The following JAK2 variants were observed in gnomAD, a reference collection of about 807,000 sequenced individuals.
JAK2 encodes the protein Janus kinase 2.
JAK2 carries 86 observed loss-of-function variants against 139.3 expected under a neutral mutation model. The observed-to-expected ratio is 0.62, with a 90% CI of 0.52 to 0.74. The LOEUF is 0.74. Ranked by LOEUF, JAK2 falls within the 30% of genes least tolerant of loss-of-function variation. The probability of loss-of-function intolerance (pLI) is 0.00; values close to 1 mark genes in which losing one functional copy is unlikely to be tolerated. For missense variants in JAK2, 1,421 were observed against 1,360.3 expected, an observed-to-expected ratio of 1.04 and a Z score of -0.70; for synonymous variants, 490 against 437.7, an observed-to-expected ratio of 1.12 and a Z score of -1.49.
chr9:5,071,605 T>TA (rs1235982726), intron 12 of JAK2, among the ~76,000 whole-genome samples: 1 of 152,128 alleles, frequency 6.6e-6, no homozygotes, highest in Admixed American at 6.5e-5. Context: ...CTGAAGAAAT[T>TA]AAGAATGCAG....
chr9:5,047,335 C>T (rs548623870), intron 5 of JAK2, among the ~76,000 whole-genome samples: 1 of 152,074 alleles, frequency 6.6e-6, no homozygotes, highest in Non-Finnish European at 1.5e-5. Flanking sequence ...TAAGACAGTA[C>T]CTGTAGGAAG....
chr9:5,112,292 C>T (rs768283621), intron 22 of JAK2: 19 of 262,430 alleles, frequency 7.2e-5, no homozygotes, highest in Non-Finnish European at 1.3e-4. Context: ...CATGCACATC[C>T]ATGTTGCCCT....
At position 5,055,751 on chromosome 9, in the gene JAK2, G is replaced by A. The variant is rs776830350; in HGVS notation, c.1019G>A (p.Arg340Gln). The A allele has an allele frequency of 4.0e-5, 64 of 1,610,484 alleles. No homozygotes were observed. The highest frequency in any genetic ancestry group is 5.2e-5 in the Non-Finnish European group (61 of 1,177,584). Residue 340 changes from arginine to glutamine, a missense_variant, in exon 8 of 25, where the codon CGA (arginine) becomes CAA (glutamine). Arg to Gln is a conservative substitution (Grantham distance 43). Coordinates refer to ENST00000381652, the MANE Select transcript of JAK2 (RefSeq NM_004972.4). The stretch of plus-strand genomic sequence containing the variant: ...AACCAAGAGGGTTCAAATGAAAGCC[G>A]AGTTGTAACTATCCATAAGCAAGAT... ...QANQEGSNES[R>Q]VVTIHKQDGK...
At chr9:5,006,821 C>G (rs1821337345) in intron 2 of JAK2, among the ~76,000 whole-genome samples, 1 of 152,112 alleles carries the variant, frequency 6.6e-6, no homozygotes, top group African/African-American at 2.4e-5. Context: ...CAGAACCAAA[C>G]CATATCAATT....
At chr9:5,088,463 T>G (rs1440524728) in intron 19 of JAK2, among the ~76,000 whole-genome samples, 1 of 152,238 alleles carries the variant, frequency 6.6e-6, no homozygotes, top group Non-Finnish European at 1.5e-5. Flanking sequence ...ATACTTTATT[T>G]AAATGTTATA....
rs143984365 is a variant in JAK2, at chr9:5,003,441, C to T, written c.-26+17419C>T. Among the ~76,000 whole-genome samples, 1,248 of 151,950 alleles carry T rather than the reference C, an allele frequency of 8.2e-3. 14 individuals carry two copies. The highest frequency in any genetic ancestry group is 0.029 in the African/African-American group (1,191 of 41,504). On this transcript the variant is annotated intron_variant, in intron 2 of 24. Transcript: ENST00000381652. Reference sequence around the variant, plus strand: ...ATTGCACAGTTTTTACAGATATTTCCATAGATGTATTCCTAGGTATTTGAT... The same window carrying T: ...ATTGCACAGTTTTTACAGATATTTCTATAGATGTATTCCTAGGTATTTGAT...
At chr9:5,073,288 C>T (rs547544883) in intron 13 of JAK2, among the ~76,000 whole-genome samples, 4 of 152,270 alleles carry the variant, frequency 2.6e-5, no homozygotes, top group African/African-American at 7.2e-5. Flanking sequence ...ACACAGATGT[C>T]GTGATATTTT....
At chr9:5,068,052 C>T (rs1260753657) in intron 10 of JAK2, among the ~76,000 whole-genome samples, 5 of 151,552 alleles carry the variant, frequency 3.3e-5, no homozygotes, top group Admixed American at 6.6e-5. Context: ...CCCAGCTACT[C>T]GGGAGGCTGA....
intron 2 of JAK2, among the ~76,000 whole-genome samples, chr9:5,005,779 G>T (rs773381736): frequency 6.6e-6 from 1 of 152,120 alleles, no homozygotes; most frequent in South Asian, 2.1e-4. Context: ...CAAAGTCACT[G>T]GGCATTACAT....
At chr9:5,102,802 T>A (rs1821614204) in intron 22 of JAK2, among the ~76,000 whole-genome samples, 1 of 152,148 alleles carries the variant, frequency 6.6e-6, no homozygotes, top group South Asian at 2.1e-4. Flanking sequence ...CTAAGCTTCA[T>A]AAGTGAAGGA....
intron 19 of JAK2, among the ~76,000 whole-genome samples, chr9:5,088,722 G>C (rs538064678): frequency 1.2e-3 from 180 of 152,322 alleles, no homozygotes; most frequent in African/African-American, 4.1e-3. Flanking sequence ...TTCTAGTGAG[G>C]TTTCTTCTTG....
chr9:4,996,928 C>CTTTTTTTTTTTTTTTTTTT (rs1166992356), intron 2 of JAK2, among the ~76,000 whole-genome samples: 1 of 94,708 alleles, frequency 1.1e-5, no homozygotes, highest in East Asian at 3.3e-4. Flanking sequence ...TTAGTTTGTT[C>CTTTTTTTTTTTTTTTTTTT]TTTTTTTTTT....
chr9:5,032,806 C>G (rs1176616134), intron 4 of JAK2, among the ~76,000 whole-genome samples: 1 of 152,140 alleles, frequency 6.6e-6, no homozygotes, highest in East Asian at 1.9e-4. Flanking sequence ...AAAAACAGAG[C>G]AGAAAAACTG....
chr9:5,015,368 A>G (rs1391426429), intron 2 of JAK2, among the ~76,000 whole-genome samples: 3 of 152,236 alleles, frequency 2.0e-5, no homozygotes, highest in Non-Finnish European at 2.9e-5. Flanking sequence ...TAATGAAATT[A>G]AAATGATTTT....
intron 4 of JAK2, among the ~76,000 whole-genome samples, chr9:5,030,397 G>A (rs981460417): frequency 5.3e-5 from 8 of 152,002 alleles, no homozygotes; most frequent in Non-Finnish European, 8.8e-5. Context: ...GAGAAATCTA[G>A]AAGTATTTTT....
At chr9:5,112,210 C>T (rs1822648693) in intron 22 of JAK2, 2 of 273,080 alleles carry the variant, frequency 7.3e-6, no homozygotes, top group Non-Finnish European at 1.5e-5. Context: ...CCCCATGCTG[C>T]TGGTGGGGGC....
At chr9:4,997,881 A>T (rs756868555) in intron 2 of JAK2, among the ~76,000 whole-genome samples, 1 of 151,854 alleles carries the variant, frequency 6.6e-6, no homozygotes, top group Non-Finnish European at 1.5e-5. Context: ...ATGTTTATGT[A>T]TTTCTTATTG....
At chr9:5,023,437 G>C (rs962512515) in intron 3 of JAK2, among the ~76,000 whole-genome samples, 1 of 152,162 alleles carries the variant, frequency 6.6e-6, no homozygotes, top group African/African-American at 2.4e-5. Context: ...AGGACTCGGG[G>C]GGAGCGTGGG....
intron 2 of JAK2, among the ~76,000 whole-genome samples, chr9:5,010,729 A>G (rs1342038861): frequency 6.6e-6 from 1 of 152,210 alleles, no homozygotes; most frequent in Non-Finnish European, 1.5e-5. Context: ...CTGAGTTTAC[A>G]TGTAATATTT....
Sources: allele counts gnomAD v4.1 joint callset (sites outside exome capture counted in the v4.1 genomes callset), GRCh38; gene constraint gnomAD v4.1.1; transcripts MANE v1.5; gene names NCBI Gene and HGNC (gene_info 2026-07-23, HGNC 2026-07-21).